Variants in ZNF804B observed in about 807,000 individuals in gnomAD.
The protein encoded by ZNF804B is zinc finger protein 804B.
Under a neutral mutation model 101.4 loss-of-function variants are expected in ZNF804B, and 80 were observed. The ratio of observed to expected loss-of-function variants is 0.79; its 90% CI spans 0.66 to 0.95. The LOEUF is 0.95. ZNF804B is among the 40% of genes least tolerant of loss of function. The pLI is 0.00. For synonymous variants in ZNF804B, 622 were observed against 558.8 expected, an observed-to-expected ratio of 1.11 and a Z score of -1.59; for missense variants, 1,673 against 1,561.9, an observed-to-expected ratio of 1.07 and a Z score of -1.20.
chr7:88,858,384 A>G (rs974171337), intron 1 of ZNF804B, among the ~76,000 whole-genome samples: 2 of 152,226 alleles, frequency 1.3e-5, no homozygotes, highest in African/African-American at 2.4e-5. Context: ...GAAAATAAGC[A>G]TGAATATTAC....
chr7:88,947,471 C>T (rs1445326875), intron 1 of ZNF804B, among the ~76,000 whole-genome samples: 16 of 151,408 alleles, frequency 1.1e-4, no homozygotes, highest in African/African-American at 3.9e-4. Flanking sequence ...ACAATGAGAA[C>T]ACGTGGACAC....
intron 1 of ZNF804B, among the ~76,000 whole-genome samples, chr7:89,202,548 G>C (rs1037135412): frequency 2.0e-5 from 3 of 152,044 alleles, no homozygotes; most frequent in Non-Finnish European, 4.4e-5. Context: ...CTTTGATTTT[G>C]ATTACATGGT....
At chr7:88,911,576 G>A (rs915062752) in intron 1 of ZNF804B, among the ~76,000 whole-genome samples, 2 of 151,004 alleles carry the variant, frequency 1.3e-5, no homozygotes, top group African/African-American at 2.4e-5. Flanking sequence ...AGCACAGAGC[G>A]ATATCTCTTT....
chr7:88,773,192 C>T (rs1465507353), intron 1 of ZNF804B, among the ~76,000 whole-genome samples: 1 of 152,124 alleles, frequency 6.6e-6, no homozygotes, highest in Non-Finnish European at 1.5e-5. Context: ...GAGCTCAGCC[C>T]TCAGGAACTA....
At chr7:89,127,803 T>G (rs990005254) in intron 1 of ZNF804B, among the ~76,000 whole-genome samples, 7 of 151,566 alleles carry the variant, frequency 4.6e-5, no homozygotes, top group Non-Finnish European at 7.4e-5. Context: ...AAAACAGCAA[T>G]TACTTTTGCA....
At chr7:89,305,347 A>T (rs1268784430) in intron 2 of ZNF804B, among the ~76,000 whole-genome samples, 1 of 152,004 alleles carries the variant, frequency 6.6e-6, no homozygotes, top group African/African-American at 2.4e-5. Context: ...GGATTTTATT[A>T]TAACCATGAC....
Position 89,131,384 on chromosome 7 carries a change from GTAA to G in ZNF804B, c.109-86767_109-86765del, listed in dbSNP as rs997225072. 7.2e-5 allele frequency among the ~76,000 whole-genome samples: 11 copies of G among 152,102 alleles called. No homozygotes were observed. The East Asian group carries it at 1.7e-3, about 24-fold the overall frequency. Reference sequence around the variant, plus strand: ...TTTAGAAGACAGATATTAGTGAGAAGTAATAAAATATTGCCAGCCTTCATAGGC... The same window carrying G: ...TTTAGAAGACAGATATTAGTGAGAAGTAAAATATTGCCAGCCTTCATAGGC... On this transcript the variant is annotated intron_variant, in intron 1 of 3. Coordinates refer to ENST00000333190, the MANE Select transcript of ZNF804B (RefSeq NM_181646.5).
intron 1 of ZNF804B, among the ~76,000 whole-genome samples, chr7:89,035,941 T>C (rs893811417): frequency 6.9e-6 from 1 of 145,010 alleles, no homozygotes; most frequent in Non-Finnish European, 1.5e-5. Flanking sequence ...TATATTATAT[T>C]ATATATTTAT....
intron 1 of ZNF804B, among the ~76,000 whole-genome samples, chr7:89,092,857 G>A (rs1256463835): frequency 6.6e-6 from 1 of 152,024 alleles, no homozygotes; most frequent in Non-Finnish European, 1.5e-5. Context: ...AAGAGTCCTG[G>A]TTCCTTTTAT....
chr7:88,836,340 A>G (rs17164631), intron 1 of ZNF804B, among the ~76,000 whole-genome samples: 3,927 of 152,010 alleles, frequency 0.026, 131 homozygotes, highest in African/African-American at 0.073. Context: ...ATGAGGTAGC[A>G]TTGATCATTT....
intron 1 of ZNF804B, among the ~76,000 whole-genome samples, chr7:89,197,041 A>G (rs925448764): frequency 1.3e-5 from 2 of 152,016 alleles, no homozygotes; most frequent in African/African-American, 4.8e-5. Flanking sequence ...TAGTTCAACC[A>G]TTATGGGAGA....
intron 1 of ZNF804B, among the ~76,000 whole-genome samples, chr7:89,069,898 G>T (rs1789508752): frequency 1.3e-5 from 2 of 152,138 alleles, no homozygotes; most frequent in African/African-American, 4.8e-5. Flanking sequence ...TGGCAGGATT[G>T]GAGTGAGGTT....
chr7:89,175,579 T>C (rs1446590176), intron 1 of ZNF804B, among the ~76,000 whole-genome samples: 5 of 152,078 alleles, frequency 3.3e-5, no homozygotes, highest in African/African-American at 1.2e-4. Context: ...ATATACATTT[T>C]AGGATGACTG....
At chr7:88,780,460 C>T (rs1223869571) in intron 1 of ZNF804B, among the ~76,000 whole-genome samples, 1 of 138,744 alleles carries the variant, frequency 7.2e-6, no homozygotes, top group Non-Finnish European at 1.5e-5. Context: ...ATGAGCATGG[C>T]TCATTGCAGC....
At chr7:89,297,372 G>A (rs1312101814) in intron 2 of ZNF804B, among the ~76,000 whole-genome samples, 2 of 151,938 alleles carry the variant, frequency 1.3e-5, no homozygotes, top group African/African-American at 4.8e-5. Context: ...TATTAACTAT[G>A]CTAAATAATA....
intron 1 of ZNF804B, among the ~76,000 whole-genome samples, chr7:89,160,357 G>A (rs1466083344): frequency 1.3e-5 from 2 of 152,076 alleles, no homozygotes; most frequent in African/African-American, 2.4e-5. Context: ...ATGAATAACC[G>A]TATGTGATGA....
intron 1 of ZNF804B, among the ~76,000 whole-genome samples, chr7:88,813,222 T>G (rs891148050): frequency 2.0e-5 from 3 of 152,032 alleles, no homozygotes; most frequent in Non-Finnish European, 4.4e-5. Flanking sequence ...GGTCATGAGA[T>G]CGAGACCATC....
chr7:88,958,318 C>A (rs188183196), intron 1 of ZNF804B, among the ~76,000 whole-genome samples: 255 of 151,520 alleles, frequency 1.7e-3, no homozygotes, highest in Non-Finnish European at 2.8e-3. Context: ...GAAAATTATT[C>A]ATAAAAATGG....
intron 2 of ZNF804B, among the ~76,000 whole-genome samples, chr7:89,251,366 T>G (rs987770989): frequency 2.0e-5 from 3 of 151,268 alleles, no homozygotes; most frequent in African/African-American, 7.3e-5. Flanking sequence ...AAAAACAAAT[T>G]AAAAAACAAC....
Sources: gnomAD v4.1 joint callset for allele counts (sites outside exome capture counted in the v4.1 genomes callset) on GRCh38, gnomAD v4.1.1 for gene constraint, MANE v1.5 for transcripts, NCBI Gene and HGNC (gene_info 2026-07-23, HGNC 2026-07-21) for gene names.